The following STXBP5L variants were observed in gnomAD, a reference collection of about 807,000 sequenced individuals.
The protein encoded by STXBP5L is syntaxin-binding protein 5-like.
STXBP5L carries 65 observed loss-of-function variants against 144.5 expected under a neutral mutation model. The ratio of observed to expected loss-of-function variants is 0.45; its 90% CI spans 0.37 to 0.55. The LOEUF is 0.55. Ranked by LOEUF, STXBP5L falls within the 20% of genes least tolerant of loss-of-function variation. The pLI is 0.00. For synonymous variants in STXBP5L, 505 were observed against 469.6 expected (o/e 1.08, Z -0.97); for missense variants, 1,298 against 1,405.5 (o/e 0.92, Z 1.22).
intron 20 of STXBP5L, among the ~76,000 whole-genome samples, chr3:121,337,439 T>TAAAAAAAAAAAAAAAAAAAAAAACAAAAA (rs59662899): frequency 1.4e-5 from 1 of 71,096 alleles, no homozygotes; most frequent in Non-Finnish European, 3.0e-5. Flanking sequence ...GCAACAACAG[T>TAAAAAAAAAAAAAAAAAAAAAAACAAAAA]AAAAAAAAAA....
chr3:121,349,820 C>T lies in STXBP5L; in HGVS notation c.2177-28896C>T, dbSNP rs147322177. On this transcript the variant is annotated intron_variant, in intron 20 of 26. Transcript: ENST00000471454. Reference sequence around the variant, plus strand: ...GTTTTCCATTTGCTTGGTAGATCTTCCTCCATCCGTTTATTTTGAGCCTAT... The same window carrying T: ...GTTTTCCATTTGCTTGGTAGATCTTTCTCCATCCGTTTATTTTGAGCCTAT... Among the ~76,000 whole-genome samples the T allele has an allele frequency of 2.5e-3, 375 of 152,140 alleles. 2 individuals carry two copies. The highest frequency in any genetic ancestry group is 8.5e-3 in the African/African-American group (352 of 41,450).
chr3:121,042,869 G>A (rs1197110590), intron 4 of STXBP5L, among the ~76,000 whole-genome samples: 2 of 151,656 alleles, frequency 1.3e-5, no homozygotes, highest in Non-Finnish European at 2.9e-5. Context: ...GAAAACATTT[G>A]AAAAATATTT....
intron 5 of STXBP5L, among the ~76,000 whole-genome samples, chr3:121,094,909 A>C (rs2043033096): frequency 6.6e-6 from 1 of 152,016 alleles, no homozygotes; most frequent in Admixed American, 6.6e-5. Flanking sequence ...AGCGGCTGGT[A>C]CTGGTTGTTC....
At chr3:121,113,095 G>T (rs982760512) in intron 5 of STXBP5L, among the ~76,000 whole-genome samples, 78 of 152,156 alleles carry the variant, frequency 5.1e-4, no homozygotes, top group African/African-American at 1.8e-3. Flanking sequence ...TAAGGATGAG[G>T]AAAAAAGTAG....
intron 4 of STXBP5L, among the ~76,000 whole-genome samples, chr3:121,044,404 A>G (rs1947366715): frequency 6.6e-6 from 1 of 152,174 alleles, no homozygotes; most frequent in South Asian, 2.1e-4. Flanking sequence ...TAAAGAAGAA[A>G]TAAATGCTAG....
chr3:121,169,288 G>GC (rs1360187293), intron 9 of STXBP5L, among the ~76,000 whole-genome samples: 2 of 152,066 alleles, frequency 1.3e-5, no homozygotes, highest in Admixed American at 1.3e-4. Flanking sequence ...CAACTAACAG[G>GC]CAAAATAAAC....
At chr3:121,207,086 A>T (rs2048365149) in intron 10 of STXBP5L, among the ~76,000 whole-genome samples, 1 of 152,168 alleles carries the variant, frequency 6.6e-6, no homozygotes, top group Non-Finnish European at 1.5e-5. Flanking sequence ...TTAACCTGTT[A>T]TTTTATCTAT....
At chr3:121,110,942 CT>C (rs1358526334) in intron 5 of STXBP5L, among the ~76,000 whole-genome samples, 1 of 151,994 alleles carries the variant, frequency 6.6e-6, no homozygotes, top group East Asian at 1.9e-4. Context: ...ATTCCTTTTT[CT>C]TTTTTTTCCT....
chr3:121,370,937 G>T (rs1441884057), intron 20 of STXBP5L, among the ~76,000 whole-genome samples: 3 of 152,058 alleles, frequency 2.0e-5, no homozygotes, highest in African/African-American at 4.8e-5. Flanking sequence ...AGCTTTTTTA[G>T]GTTGGGTTTC....
intron 5 of STXBP5L, among the ~76,000 whole-genome samples, chr3:121,110,922 A>T (rs2043955539): frequency 6.6e-6 from 1 of 151,902 alleles, no homozygotes; most frequent in Admixed American, 6.6e-5. Context: ...GGTTTTATTC[A>T]TTCCTTTTCA....
intron 20 of STXBP5L, among the ~76,000 whole-genome samples, chr3:121,333,222 T>C (rs1336237980): frequency 2.6e-5 from 4 of 152,152 alleles, no homozygotes; most frequent in Non-Finnish European, 4.4e-5. Context: ...ATTGGAACAG[T>C]ACCTCACATC....
At chr3:121,105,641 T>A (rs2043666399) in intron 5 of STXBP5L, among the ~76,000 whole-genome samples, 1 of 152,072 alleles carries the variant, frequency 6.6e-6, no homozygotes, top group East Asian at 1.9e-4. Context: ...TGGTAAACAG[T>A]ATGGAGATTC....
chr3:120,992,859 C>G (rs1943036525), intron 3 of STXBP5L, among the ~76,000 whole-genome samples: 1 of 151,874 alleles, frequency 6.6e-6, no homozygotes, highest in South Asian at 2.1e-4. Flanking sequence ...CTATTTTTAG[C>G]TTTTTGAGGA....
chr3:121,040,282 C>A (rs1947058190), intron 3 of STXBP5L, among the ~76,000 whole-genome samples: 1 of 151,924 alleles, frequency 6.6e-6, no homozygotes, highest in South Asian at 2.1e-4. Flanking sequence ...CCTTTTGTAA[C>A]CTGGTTTTAA....
intron 9 of STXBP5L, among the ~76,000 whole-genome samples, chr3:121,178,437 T>C (rs533967210): frequency 1.3e-5 from 2 of 152,296 alleles, no homozygotes; most frequent in South Asian, 4.1e-4. Context: ...ATATGTTAAA[T>C]AACAAGGAAA....
chr3:121,039,678 G>A (rs1280076789), intron 3 of STXBP5L, among the ~76,000 whole-genome samples: 7 of 151,598 alleles, frequency 4.6e-5, no homozygotes, highest in Non-Finnish European at 1.0e-4. Context: ...CTTCATTTCA[G>A]TTTCATTTGT....
chr3:121,233,550 T>C, intron 11 of STXBP5L, 66 bp from the exon 12 acceptor site: 1 of 1,197,720 alleles, frequency 8.3e-7, no homozygotes, highest in Non-Finnish European at 1.2e-6. Flanking sequence ...ATAAAGGAAA[T>C]GCAATTTTGC....
At chr3:120,992,747 A>G (rs1337537878) in intron 3 of STXBP5L, among the ~76,000 whole-genome samples, 1 of 152,144 alleles carries the variant, frequency 6.6e-6, no homozygotes, top group Non-Finnish European at 1.5e-5. Context: ...ATTTATGAAT[A>G]GTGCTGTAAT....
chr3:120,966,049 C>G (rs531951063), intron 3 of STXBP5L, among the ~76,000 whole-genome samples: 64 of 152,250 alleles, frequency 4.2e-4, no homozygotes, highest in Admixed American at 1.4e-3. Context: ...CACTGATACC[C>G]TTTCTTCCAC....
Sources: gnomAD v4.1 joint callset for allele counts (sites outside exome capture counted in the v4.1 genomes callset) on GRCh38, gnomAD v4.1.1 for gene constraint, MANE v1.5 for transcripts, NCBI Gene and HGNC (gene_info 2026-07-23, HGNC 2026-07-21) for gene names.